TRABD2B: variants seen among roughly 807,000 people sequenced by gnomAD.
TRABD2B encodes metalloprotease TIKI2.
In TRABD2B, 14 loss-of-function variants were observed where a neutral mutation model predicts 40.1. That is an observed-to-expected ratio of 0.35 (90% CI 0.23 to 0.55). The LOEUF (loss-of-function observed/expected upper bound fraction) is 0.55, where lower values mean the gene tolerates loss of function less well. Among genes scored for constraint, TRABD2B ranks in the 20% least tolerant of loss-of-function variants. The probability of loss-of-function intolerance (pLI) is 0.90; values close to 1 mark genes in which losing one functional copy is unlikely to be tolerated. For synonymous variants in TRABD2B, 263 were observed against 277.0 expected (o/e 0.95, Z 0.50); for missense variants, 541 against 648.6 (o/e 0.83, Z 1.80).
At chr1:47,866,959 C>T (rs1184844362) in intron 2 of TRABD2B, among the ~76,000 whole-genome samples, 1 of 152,200 alleles carries the variant, frequency 6.6e-6, no homozygotes, top group Non-Finnish European at 1.5e-5. Flanking sequence ...CCTGTCACAG[C>T]CAATCTGCCC....
chr1:47,986,758 G>A (rs938334897), intron 2 of TRABD2B, among the ~76,000 whole-genome samples: 6 of 152,134 alleles, frequency 3.9e-5, no homozygotes, highest in African/African-American at 1.4e-4. Context: ...AAGCAACGGC[G>A]TTTCCAAGCT....
rs1347060528 is a variant in TRABD2B, at chr1:47,801,572, C to T, written c.714G>A (p.Arg238=). 1 of 1,535,862 alleles carries T rather than the reference C, an allele frequency of 6.5e-7. No homozygotes were observed. Among genetic ancestry groups the T allele is most frequent in the East Asian group, 2.4e-5 (1 of 40,916 alleles). The part of the protein sequence containing the change: ...NQTLLQQESV[R]AGSLQASYTT... Reference sequence around the variant, plus strand: ...TGTAGGAGGCCTGCAGGCTCCCGGCCCGCACACTCTCCTGCTGCAGCAGGG... The same window carrying T: ...TGTAGGAGGCCTGCAGGCTCCCGGCTCGCACACTCTCCTGCTGCAGCAGGG... Residue 238 remains arginine, a synonymous_variant, in exon 3 of 7, where the codon CGG becomes CGA. Transcript: ENST00000606738.
chr1:47,861,284 G>T (rs909905779), intron 2 of TRABD2B, among the ~76,000 whole-genome samples: 1 of 152,052 alleles, frequency 6.6e-6, no homozygotes, highest in African/African-American at 2.4e-5. Context: ...TGGTGGTGGT[G>T]GGGGTGGCGG....
chr1:47,778,849 A>C (rs1434747269), intron 4 of TRABD2B, among the ~76,000 whole-genome samples: 1 of 152,200 alleles, frequency 6.6e-6, no homozygotes, highest in Admixed American at 6.5e-5. Context: ...TATAAAAAAC[A>C]GCTACCTGCA....
rs1646107190 is a variant in TRABD2B, at chr1:47,997,239, A to C, written c.-450T>G. 2.0e-6 allele frequency: 2 copies of C among 981,442 alleles called. No homozygotes were observed. Among genetic ancestry groups the C allele is most frequent in the Non-Finnish European group, 2.4e-6 (2 of 828,494 alleles). The allele number at this position is 981,442 out of a possible 1,614,324, so 60.8% of individuals were successfully genotyped here. ...CGCTCCAGGAGGCGCGCAGTGGGAC[A>C]AGTGCGGCGGAAGGCGCGGCAGGGG... On this transcript the variant is annotated 5_prime_UTR_variant, in exon 1 of 7. Coordinates refer to ENST00000606738, the MANE Select transcript of TRABD2B (RefSeq NM_001194986.2).
intron 2 of TRABD2B, among the ~76,000 whole-genome samples, chr1:47,957,108 C>A (rs1293974408): frequency 6.6e-6 from 1 of 152,198 alleles, no homozygotes; most frequent in East Asian, 1.9e-4. Flanking sequence ...CTGGAGTGGA[C>A]CTCCAGCAAA....
intron 2 of TRABD2B, among the ~76,000 whole-genome samples, chr1:47,803,166 C>CTCTCTGACCACCTG (rs1382672420): frequency 6.6e-6 from 1 of 152,228 alleles, no homozygotes; most frequent in African/African-American, 2.4e-5. Context: ...CACCTGGGGA[C>CTCTCTGACCACCTG]TGGGTTAGGC....
chr1:47,773,751 T>A (rs1644407328), intron 6 of TRABD2B, among the ~76,000 whole-genome samples: 1 of 152,234 alleles, frequency 6.6e-6, no homozygotes, highest in Admixed American at 6.5e-5. Context: ...ATTAGCAGCA[T>A]GAGAACAGAC....
chr1:47,789,772 A>G (rs1557568668), intron 4 of TRABD2B, among the ~76,000 whole-genome samples: 1 of 151,782 alleles, frequency 6.6e-6, no homozygotes, highest in Non-Finnish European at 1.5e-5. Context: ...GTCTTCCTCC[A>G]CCCAAGGCGT....
intron 2 of TRABD2B, among the ~76,000 whole-genome samples, chr1:47,982,308 G>A (rs1645852001): frequency 6.6e-6 from 1 of 152,160 alleles, no homozygotes; most frequent in African/African-American, 2.4e-5. Context: ...CATTACTTAA[G>A]CCACCACAGT....
intron 2 of TRABD2B, among the ~76,000 whole-genome samples, chr1:47,879,772 C>A (rs1028399316): frequency 6.6e-6 from 1 of 152,142 alleles, no homozygotes; most frequent in Admixed American, 6.5e-5. Context: ...CTTAAGGAGG[C>A]CAAGAAGGGC....
intron 2 of TRABD2B, among the ~76,000 whole-genome samples, chr1:47,956,253 C>T (rs1645420069): frequency 6.6e-6 from 1 of 152,146 alleles, no homozygotes; most frequent in African/African-American, 2.4e-5. Flanking sequence ...TCCAAGATGG[C>T]CAAATAGGAA....
intron 2 of TRABD2B, among the ~76,000 whole-genome samples, chr1:47,977,524 T>G (rs888712123): frequency 6.6e-6 from 1 of 152,076 alleles, no homozygotes. Flanking sequence ...CCTAAGAAGA[T>G]AGGTATTCTT....
chr1:47,922,340 G>T (rs1422949505), intron 2 of TRABD2B, among the ~76,000 whole-genome samples: 1 of 152,200 alleles, frequency 6.6e-6, no homozygotes, highest in East Asian at 1.9e-4. Context: ...GGTGACCAGG[G>T]TCAGGGCCTG....
chr1:47,916,680 A>C (rs1644834082), intron 2 of TRABD2B, among the ~76,000 whole-genome samples: 1 of 152,224 alleles, frequency 6.6e-6, no homozygotes, highest in Non-Finnish European at 1.5e-5. Flanking sequence ...AGAAGGGCCC[A>C]TTAGGGAAGC....
intron 2 of TRABD2B, among the ~76,000 whole-genome samples, chr1:47,941,540 T>C (rs770265536): frequency 2.0e-5 from 3 of 152,260 alleles, no homozygotes; most frequent in African/African-American, 4.8e-5. Context: ...TGACTTCCAA[T>C]TTACCTGGAC....
intron 2 of TRABD2B, among the ~76,000 whole-genome samples, chr1:47,811,699 G>A (rs994869475): frequency 6.6e-6 from 1 of 152,190 alleles, no homozygotes; most frequent in African/African-American, 2.4e-5. Context: ...GGAGGGCAAA[G>A]GGATCCCTTC....
chr1:47,863,630 AG>A (rs965525126), intron 2 of TRABD2B, among the ~76,000 whole-genome samples: 18 of 152,128 alleles, frequency 1.2e-4, no homozygotes, highest in Admixed American at 9.8e-4. Flanking sequence ...GTGGTGCAAC[AG>A]GAACTCTCAT....
intron 2 of TRABD2B, among the ~76,000 whole-genome samples, chr1:47,960,094 C>G (rs1021940641): frequency 6.6e-6 from 1 of 152,158 alleles, no homozygotes; most frequent in African/African-American, 2.4e-5. Flanking sequence ...ACCATATAAA[C>G]AGAACCAAAA....
Sources: allele counts gnomAD v4.1 joint callset (sites outside exome capture counted in the v4.1 genomes callset), GRCh38; gene constraint gnomAD v4.1.1; transcripts MANE v1.5; gene names NCBI Gene and HGNC (gene_info 2026-07-23, HGNC 2026-07-21).